WDR7: variants seen among roughly 807,000 people sequenced by gnomAD.
WDR7 encodes WD repeat-containing protein 7.
A neutral mutation model predicts 169.4 loss-of-function variants in WDR7; 46 were observed. That is an observed-to-expected ratio of 0.27 (90% CI 0.21 to 0.35). WDR7 has a LOEUF of 0.35. Among genes scored for constraint, WDR7 ranks in the 10% least tolerant of loss-of-function variants. The pLI is 1.00. For missense variants in WDR7, 1,534 were observed against 1,859.3 expected, an observed-to-expected ratio of 0.83 and a Z score of 3.22; for synonymous variants, 612 against 666.8, an observed-to-expected ratio of 0.92 and a Z score of 1.27.
intron 16 of WDR7, among the ~76,000 whole-genome samples, chr18:56,774,081 G>A (rs905806203): frequency 1.3e-5 from 2 of 151,890 alleles, no homozygotes; most frequent in East Asian, 3.9e-4. Flanking sequence ...AAAATGTATT[G>A]AAAAGGGCTA....
chr18:56,721,428 G>A (rs1037553562), intron 13 of WDR7: 1 of 152,112 alleles, frequency 6.6e-6, no homozygotes, highest in African/African-American at 2.4e-5. Context: ...TTCTTTTATT[G>A]TGACATTTTC....
intron 5 of WDR7, 48 bp downstream of exon 5, chr18:56,682,901 T>G (rs1209247920): frequency 6.4e-7 from 1 of 1,551,842 alleles, no homozygotes; most frequent in Admixed American, 2.0e-5. Flanking sequence ...GACTTAATGT[T>G]TAGTTTACTA....
intron 26 of WDR7, 70 bp downstream of exon 26, chr18:56,962,599 T>G: frequency 5.7e-6 from 8 of 1,403,962 alleles, no homozygotes; most frequent in African/African-American, 1.4e-5. Context: ...AGACTAGCAC[T>G]TCACCAGTTG....
At chr18:56,978,345 GC>G (rs1158406932) in intron 26 of WDR7, among the ~76,000 whole-genome samples, 1 of 152,146 alleles carries the variant, frequency 6.6e-6, no homozygotes, top group Non-Finnish European at 1.5e-5. Flanking sequence ...ACTCTGCATG[GC>G]TTTTAGTGGT....
chr18:56,679,577 G>A, intron 3 of WDR7, 139 bp downstream of exon 3: 1 of 473,398 alleles, frequency 2.1e-6, no homozygotes. Context: ...TCTAAATGTA[G>A]ATATTTAAAA....
intron 7 of WDR7, among the ~76,000 whole-genome samples, chr18:56,688,246 T>C (rs2025484954): frequency 6.6e-6 from 1 of 152,100 alleles, no homozygotes; most frequent in South Asian, 2.1e-4. Flanking sequence ...TTCCTGAGCT[T>C]AGAACACAAG....
intron 16 of WDR7, among the ~76,000 whole-genome samples, chr18:56,772,094 A>G (rs562348697): frequency 1.4e-5 from 2 of 143,542 alleles, no homozygotes; most frequent in Admixed American, 6.9e-5. Context: ...AAAAAGCTAG[A>G]GAGAAGATAA....
chr18:56,868,218 C>T (rs2045908421), intron 20 of WDR7, among the ~76,000 whole-genome samples: 1 of 151,980 alleles, frequency 6.6e-6, no homozygotes, highest in African/African-American at 2.4e-5. Flanking sequence ...CCAAACGAAC[C>T]TTTAAAAAAT....
At chr18:56,855,346 A>G (rs2045703614) in intron 20 of WDR7, among the ~76,000 whole-genome samples, 1 of 151,964 alleles carries the variant, frequency 6.6e-6, no homozygotes, top group Non-Finnish European at 1.5e-5. Flanking sequence ...CTCAGCTTGT[A>G]TCTTATATTT....
At chr18:56,925,928 T>C (rs1213606147) in intron 22 of WDR7, among the ~76,000 whole-genome samples, 1 of 152,206 alleles carries the variant, frequency 6.6e-6, no homozygotes, top group Admixed American at 6.5e-5. Flanking sequence ...CTAATTAAAG[T>C]ACCTGTCTCC....
chr18:56,749,370 A>G (rs1258252083), intron 14 of WDR7, among the ~76,000 whole-genome samples: 1 of 137,546 alleles, frequency 7.3e-6, no homozygotes, highest in African/African-American at 2.8e-5. Flanking sequence ...TAATATCTAT[A>G]GAAGTGTGTG....
chr18:56,960,548 T>A (rs1395554103), intron 25 of WDR7, among the ~76,000 whole-genome samples: 2 of 152,218 alleles, frequency 1.3e-5, no homozygotes, highest in African/African-American at 4.8e-5. Flanking sequence ...TTAGATATTA[T>A]ATTCTATGTA....
intron 19 of WDR7, among the ~76,000 whole-genome samples, chr18:56,783,599 G>T (rs73958322): frequency 1.3e-5 from 2 of 152,186 alleles, no homozygotes; most frequent in African/African-American, 4.8e-5. Context: ...ATGGACTCGT[G>T]TGAAGTAGGG....
intron 16 of WDR7, among the ~76,000 whole-genome samples, chr18:56,775,986 A>G (rs2145046905): frequency 6.6e-6 from 1 of 152,284 alleles, no homozygotes; most frequent in Admixed American, 6.5e-5. Flanking sequence ...GGTGACCTCT[A>G]AATCTTAACA....
At chr18:56,926,554 T>A (rs1234522289) in intron 22 of WDR7, among the ~76,000 whole-genome samples, 5 of 152,208 alleles carry the variant, frequency 3.3e-5, no homozygotes, top group Admixed American at 2.6e-4. Flanking sequence ...ACATTAGGCT[T>A]GTACCAGCAA....
At chr18:56,943,051 C>T (rs951480977) in intron 25 of WDR7, among the ~76,000 whole-genome samples, 4 of 152,312 alleles carry the variant, frequency 2.6e-5, no homozygotes, top group Non-Finnish European at 4.4e-5. Flanking sequence ...ACTAAGCTTG[C>T]ATGGGATCTC....
At chr18:56,882,457 T>G (rs2046122141) in intron 21 of WDR7, among the ~76,000 whole-genome samples, 1 of 152,242 alleles carries the variant, frequency 6.6e-6, no homozygotes, top group Admixed American at 6.5e-5. Context: ...CTTGAGGAGA[T>G]TGTGAATATT....
At chr18:56,827,341 A>G (rs1001860338) in intron 20 of WDR7, among the ~76,000 whole-genome samples, 1 of 152,332 alleles carries the variant, frequency 6.6e-6, no homozygotes, top group South Asian at 2.1e-4. Context: ...CATAATCACA[A>G]TGGAGCAATG....
At chr18:56,856,597 A>G (rs573476851) in intron 20 of WDR7, among the ~76,000 whole-genome samples, 1 of 151,992 alleles carries the variant, frequency 6.6e-6, no homozygotes, top group East Asian at 1.9e-4. Context: ...TTTAATTTAA[A>G]TAATAATGAT....
Sources: gnomAD v4.1 joint callset for allele counts (sites outside exome capture counted in the v4.1 genomes callset) on GRCh38, gnomAD v4.1.1 for gene constraint, MANE v1.5 for transcripts, NCBI Gene and HGNC (gene_info 2026-07-23, HGNC 2026-07-21) for gene names.